The following GRIA1 variants were observed in gnomAD, a reference collection of about 807,000 sequenced individuals.
The protein encoded by GRIA1 is glutamate ionotropic receptor AMPA type subunit 1.
Under a neutral mutation model 99.2 loss-of-function variants are expected in GRIA1, and 31 were observed. The observed-to-expected ratio is 0.31, with a 90% CI of 0.23 to 0.42. The LOEUF is 0.42. GRIA1 is among the 10% of genes least tolerant of loss of function. GRIA1 has a pLI of 1.00. For missense variants in GRIA1, 782 were observed against 1,157.5 expected, an observed-to-expected ratio of 0.68 and a Z score of 4.71; for synonymous variants, 438 against 432.4, an observed-to-expected ratio of 1.01 and a Z score of -0.16.
At chr5:153,602,472 T>C (rs2149399555) in intron 2 of GRIA1, among the ~76,000 whole-genome samples, 1 of 152,084 alleles carries the variant, frequency 6.6e-6, no homozygotes, top group South Asian at 2.1e-4. Flanking sequence ...ATGGCACATG[T>C]ATACATATGT....
At chr5:153,721,054 G>C (rs1760030584) in intron 11 of GRIA1, among the ~76,000 whole-genome samples, 1 of 152,160 alleles carries the variant, frequency 6.6e-6, no homozygotes, top group Non-Finnish European at 1.5e-5. Context: ...TGGGAAAAAG[G>C]GGAGACACAT....
chr5:153,551,778 G>T (rs528831995), intron 2 of GRIA1, among the ~76,000 whole-genome samples: 8 of 152,184 alleles, frequency 5.3e-5, no homozygotes, highest in African/African-American at 1.7e-4. Context: ...TCATAGCCTT[G>T]GCACTCTGTT....
chr5:153,729,842 A>G (rs918431922), intron 11 of GRIA1, among the ~76,000 whole-genome samples: 1 of 152,092 alleles, frequency 6.6e-6, no homozygotes, highest in Non-Finnish European at 1.5e-5. Context: ...CAACTTAATC[A>G]ATCAATGTTA....
chr5:153,683,578 C>T (rs934411739), intron 7 of GRIA1, among the ~76,000 whole-genome samples: 2 of 152,164 alleles, frequency 1.3e-5, no homozygotes, highest in East Asian at 1.9e-4. Flanking sequence ...TAGAACTGTG[C>T]AGGTAGGACC....
At chr5:153,780,743 T>G (rs911743362) in intron 13 of GRIA1, among the ~76,000 whole-genome samples, 2 of 152,208 alleles carry the variant, frequency 1.3e-5, no homozygotes, top group African/African-American at 4.8e-5. Context: ...TTCTTGAATA[T>G]GAATCCATTT....
intron 2 of GRIA1, among the ~76,000 whole-genome samples, chr5:153,517,607 C>T (rs1756747403): frequency 6.6e-6 from 1 of 152,226 alleles, no homozygotes; most frequent in African/African-American, 2.4e-5. Flanking sequence ...ACTAATCCCA[C>T]AGAATAATCC....
chr5:153,618,812 G>A (rs1766757221), intron 2 of GRIA1, among the ~76,000 whole-genome samples: 1 of 152,172 alleles, frequency 6.6e-6, no homozygotes, highest in South Asian at 2.1e-4. Context: ...TATTACCTGT[G>A]ACACTACTAT....
At chr5:153,533,633 T>C (rs1264470194) in intron 2 of GRIA1, among the ~76,000 whole-genome samples, 1 of 152,222 alleles carries the variant, frequency 6.6e-6, no homozygotes, top group Admixed American at 6.5e-5. Context: ...ATCAGGTTCC[T>C]AGGCTGGTGA....
At chr5:153,604,886 A>G (rs1002196021) in intron 2 of GRIA1, among the ~76,000 whole-genome samples, 1 of 152,198 alleles carries the variant, frequency 6.6e-6, no homozygotes, top group African/African-American at 2.4e-5. Context: ...ACAGAAAGGA[A>G]CACTCACATT....
intron 7 of GRIA1, among the ~76,000 whole-genome samples, chr5:153,679,901 TG>T (rs1057121926): frequency 6.6e-6 from 1 of 152,212 alleles, no homozygotes; most frequent in Non-Finnish European, 1.5e-5. Flanking sequence ...ATAATATGTA[TG>T]GTGTGTTAAA....
chr5:153,756,097 C>T lies in GRIA1; in HGVS notation c.1824-8337C>T, dbSNP rs528684006. On this transcript the variant is annotated intron_variant, in intron 11 of 15. Transcript: ENST00000285900. ...TGAAAGTTATCTGGCAGTTTGGCTC[C>T]AGCCCCCCAACAGCTGCAGGCCCAG... is the stretch of plus-strand genomic sequence containing the variant. 7.2e-5 allele frequency among the ~76,000 whole-genome samples: 11 copies of T among 152,360 alleles called. No individual in the cohort carries two copies. The South Asian group carries it at 2.3e-3, about 32-fold the overall frequency.
At chr5:153,750,069 C>T (rs1762411873) in intron 11 of GRIA1, among the ~76,000 whole-genome samples, 1 of 152,090 alleles carries the variant, frequency 6.6e-6, no homozygotes, top group Non-Finnish European at 1.5e-5. Flanking sequence ...TCCAGCTCTG[C>T]CAGGGAAGAG....
intron 5 of GRIA1, 34 bp from the exon 6 acceptor site, chr5:153,674,466 A>G (rs772301665): frequency 1.9e-6 from 3 of 1,612,502 alleles, no homozygotes; most frequent in Non-Finnish European, 1.7e-6. Context: ...TCCAGGCAGC[A>G]TGTTCTAACT....
intron 11 of GRIA1, among the ~76,000 whole-genome samples, chr5:153,717,181 C>T (rs1474150314): frequency 1.3e-5 from 2 of 152,132 alleles, no homozygotes; most frequent in Non-Finnish European, 2.9e-5. Context: ...AATGTATAAC[C>T]AAGGGTTGCA....
intron 2 of GRIA1, among the ~76,000 whole-genome samples, chr5:153,615,576 C>T (rs1429700002): frequency 1.3e-5 from 2 of 152,076 alleles, no homozygotes; most frequent in Non-Finnish European, 2.9e-5. Flanking sequence ...CCCAGGCGGT[C>T]GAGGCTGCAG....
At chr5:153,623,420 AG>A (rs980576830) in intron 2 of GRIA1, among the ~76,000 whole-genome samples, 5 of 152,208 alleles carry the variant, frequency 3.3e-5, no homozygotes, top group Admixed American at 3.3e-4. Context: ...TGGCATCAGC[AG>A]GGGCTTATTA....
chr5:153,697,495 A>G (rs1297351736), intron 8 of GRIA1, among the ~76,000 whole-genome samples: 2 of 152,236 alleles, frequency 1.3e-5, no homozygotes, highest in African/African-American at 2.4e-5. Context: ...TATATATTCA[A>G]TATTGTAATA....
At chr5:153,497,778 A>T (rs1189160363) in intron 2 of GRIA1, among the ~76,000 whole-genome samples, 1 of 152,190 alleles carries the variant, frequency 6.6e-6, no homozygotes, top group Non-Finnish European at 1.5e-5. Flanking sequence ...CCTAGGCATG[A>T]CATAAAGTGC....
intron 2 of GRIA1, among the ~76,000 whole-genome samples, chr5:153,531,424 T>C (rs1272941753): frequency 2.0e-5 from 3 of 152,142 alleles, no homozygotes; most frequent in Non-Finnish European, 4.4e-5. Flanking sequence ...ACCCCAAACC[T>C]CTCCAAGGCC....
Sources: gnomAD v4.1 joint callset for allele counts (sites outside exome capture counted in the v4.1 genomes callset) on GRCh38, gnomAD v4.1.1 for gene constraint, MANE v1.5 for transcripts, NCBI Gene and HGNC (gene_info 2026-07-23, HGNC 2026-07-21) for gene names.